PTPRD: variants seen among roughly 807,000 people sequenced by gnomAD.
PTPRD encodes protein tyrosine phosphatase receptor type D, also known as receptor-type tyrosine-protein phosphatase delta.
PTPRD carries 34 observed loss-of-function variants against 214.5 expected under a neutral mutation model. The observed-to-expected ratio is 0.16, with a 90% CI of 0.12 to 0.21. PTPRD has a LOEUF of 0.21. PTPRD is among the 10% of genes least tolerant of loss of function. The pLI is 1.00. For missense variants in PTPRD, 2,545 were observed against 2,398.7 expected (o/e 1.06, Z -1.27); for synonymous variants, 1,128 against 845.7 (o/e 1.33, Z -5.79).
intron 7 of PTPRD, among the ~76,000 whole-genome samples, chr9:9,630,323 TA>T (rs1163412164): frequency 1.3e-5 from 2 of 152,274 alleles, no homozygotes; most frequent in East Asian, 3.9e-4. Flanking sequence ...TCCAGTTACC[TA>T]AGAAGAGACC....
At chr9:8,770,679 G>A (rs1029995654) in intron 11 of PTPRD, among the ~76,000 whole-genome samples, 11 of 151,866 alleles carry the variant, frequency 7.2e-5, no homozygotes, top group Non-Finnish European at 1.6e-4. Context: ...AAATACTTTC[G>A]TGGAAATATA....
chr9:9,783,522 G>C (rs1243358793), intron 5 of PTPRD, among the ~76,000 whole-genome samples: 1 of 152,132 alleles, frequency 6.6e-6, no homozygotes, highest in Non-Finnish European at 1.5e-5. Flanking sequence ...CTGAGGAATA[G>C]CCACTGATGT....
At chr9:9,889,965 A>T (rs148525474) in intron 5 of PTPRD, among the ~76,000 whole-genome samples, 116 of 152,146 alleles carry the variant, frequency 7.6e-4, no homozygotes, top group Middle Eastern at 3.4e-3. Context: ...CAATCTGGCT[A>T]GCAGAGGGCA....
chr9:8,555,657 G>A (rs1404971873), intron 14 of PTPRD, among the ~76,000 whole-genome samples: 3 of 152,128 alleles, frequency 2.0e-5, no homozygotes, highest in African/African-American at 4.8e-5. Flanking sequence ...AATGGGATCT[G>A]GTTTTTATTT....
At chr9:9,691,171 T>G (rs1564568562) in intron 7 of PTPRD, among the ~76,000 whole-genome samples, 1 of 152,006 alleles carries the variant, frequency 6.6e-6, no homozygotes, top group Non-Finnish European at 1.5e-5. Context: ...TTTCAGTGAT[T>G]GTTAAATATA....
chr9:8,568,585 G>A (rs2090140263), intron 14 of PTPRD, among the ~76,000 whole-genome samples: 1 of 152,126 alleles, frequency 6.6e-6, no homozygotes, highest in South Asian at 2.1e-4. Flanking sequence ...CTCAGCTTCA[G>A]TAGGAGAGAA....
chr9:10,553,324 G>C (rs2061756358), intron 2 of PTPRD, among the ~76,000 whole-genome samples: 2 of 150,852 alleles, frequency 1.3e-5, no homozygotes, highest in South Asian at 4.2e-4. Context: ...TCAAGTCATA[G>C]ACTCATATGT....
At chr9:9,731,471 T>A (rs888354757) in intron 7 of PTPRD, among the ~76,000 whole-genome samples, 31 of 147,516 alleles carry the variant, frequency 2.1e-4, no homozygotes, top group Middle Eastern at 3.5e-3. Flanking sequence ...GGTTTTTTTT[T>A]AATTATACTT....
At chr9:10,044,061 C>G (rs558652225) in intron 3 of PTPRD, among the ~76,000 whole-genome samples, 1 of 151,802 alleles carries the variant, frequency 6.6e-6, no homozygotes, top group Admixed American at 6.6e-5. Flanking sequence ...GGAGGTCTGT[C>G]TCAGGAATGT....
intron 4 of PTPRD, among the ~76,000 whole-genome samples, chr9:10,019,304 T>C (rs1286736490): frequency 8.5e-5 from 13 of 152,054 alleles, no homozygotes; most frequent in Admixed American, 3.3e-4. Flanking sequence ...TGTGGAGAAA[T>C]AGGAACACTT....
intron 5 of PTPRD, among the ~76,000 whole-genome samples, chr9:9,802,836 A>G (rs936869476): frequency 2.6e-5 from 4 of 151,850 alleles, no homozygotes; most frequent in African/African-American, 4.8e-5. Context: ...AAACAAACTT[A>G]CAATTGTTTA....
intron 37 of PTPRD, among the ~76,000 whole-genome samples, chr9:8,384,864 C>T (rs989476546): frequency 2.0e-5 from 3 of 152,108 alleles, no homozygotes; most frequent in African/African-American, 7.2e-5. Context: ...TAATGAAACT[C>T]ATATGAAATA....
At chr9:9,812,148 G>C (rs2047344121) in intron 5 of PTPRD, among the ~76,000 whole-genome samples, 2 of 151,442 alleles carry the variant, frequency 1.3e-5, no homozygotes, top group African/African-American at 4.9e-5. Context: ...TTTTTTTTTA[G>C]ACATATGCTA....
At chr9:9,209,415 C>A (rs377130860) in intron 9 of PTPRD, among the ~76,000 whole-genome samples, 1 of 151,998 alleles carries the variant, frequency 6.6e-6, no homozygotes, top group Non-Finnish European at 1.5e-5. Context: ...GATTCAGATA[C>A]AAGTAATGTG....
chr9:9,277,022 C>T (rs555289473), intron 9 of PTPRD, among the ~76,000 whole-genome samples: 1 of 151,358 alleles, frequency 6.6e-6, no homozygotes, highest in Non-Finnish European at 1.5e-5. Context: ...AGCACCCCTG[C>T]TTTCGCCACT....
chr9:9,685,035 T>C (rs2097143330), intron 7 of PTPRD, among the ~76,000 whole-genome samples: 1 of 151,540 alleles, frequency 6.6e-6, no homozygotes, highest in Non-Finnish European at 1.5e-5. Context: ...AGAATTATTA[T>C]CTATTTTTCA....
intron 7 of PTPRD, among the ~76,000 whole-genome samples, chr9:9,603,947 A>C (rs2093971998): frequency 6.6e-6 from 1 of 152,096 alleles, no homozygotes; most frequent in Admixed American, 6.6e-5. Context: ...CTTTAACATA[A>C]ATTTCAACTG....
At chr9:9,990,192 C>T (rs940974474) in intron 4 of PTPRD, among the ~76,000 whole-genome samples, 4 of 152,160 alleles carry the variant, frequency 2.6e-5, no homozygotes, top group South Asian at 2.1e-4. Flanking sequence ...AGGACAAGGT[C>T]CTGGGGCAAC....
At chr9:9,834,900 C>G (rs1317602735) in intron 5 of PTPRD, among the ~76,000 whole-genome samples, 1 of 151,550 alleles carries the variant, frequency 6.6e-6, no homozygotes, top group East Asian at 1.9e-4. Context: ...GTCCTCTGGT[C>G]AAAGTAAATA....
Sources: allele counts gnomAD v4.1 joint callset (sites outside exome capture counted in the v4.1 genomes callset), GRCh38; gene constraint gnomAD v4.1.1; transcripts MANE v1.5; gene names NCBI Gene and HGNC (gene_info 2026-07-23, HGNC 2026-07-21).